ZNF347: variants seen among roughly 807,000 people sequenced by gnomAD.
The protein encoded by ZNF347 is zinc finger protein 347, also known as CTD-2620I22.7.
A neutral mutation model predicts 12.9 loss-of-function variants in ZNF347; 19 were observed. The ratio of observed to expected loss-of-function variants is 1.47; its 90% CI spans 1.03 to 2.16. The LOEUF is 2.16. Ranked by LOEUF, ZNF347 falls within the 30% of genes most tolerant of loss-of-function variation. The probability of loss-of-function intolerance (pLI) is 0.00; values close to 1 mark genes in which losing one functional copy is unlikely to be tolerated. For synonymous variants in ZNF347, 328 were observed against 340.6 expected (o/e 0.96, Z 0.41); for missense variants, 1,005 against 990.6 (o/e 1.01, Z -0.19).
At chr19:53,158,741 T>C (rs1435923405) in intron 1 of ZNF347, 1 of 151,484 alleles carries the variant, frequency 6.6e-6, no homozygotes, top group Non-Finnish European at 1.5e-5. Flanking sequence ...CTACTAAAAA[T>C]ACAAAATTAG....
chr19:53,152,958 G>A (rs1486123236), intron 2 of ZNF347, among the ~76,000 whole-genome samples: 2 of 151,956 alleles, frequency 1.3e-5, no homozygotes, highest in Non-Finnish European at 1.5e-5. Flanking sequence ...ATAATAATTG[G>A]CAAAACAAGA....
chr19:53,141,826 T>G lies in ZNF347; in HGVS notation c.1002A>C (p.Gln334His). Reference protein sequence around the residue: ...KVFSRNSQLSQHQKIHTGEKP... With the variant: ...KVFSRNSQLSHHQKIHTGEKP... The stretch of plus-strand genomic sequence containing the variant: ...TCTCTCCAGTGTGAATTTTCTGATG[T>G]TGTGAGAGTTGTGAATTTCGACTAA... Residue 334 changes from glutamine (Q) to histidine (H), a missense_variant, in exon 5 of 5, where the codon CAA (glutamine) becomes CAC (histidine). Transcript: ENST00000334197. 1.9e-6 allele frequency: 3 copies of G among 1,614,074 alleles called. No homozygotes were observed. The highest frequency in any genetic ancestry group is 2.5e-6 in the Non-Finnish European group (3 of 1,179,996).
At position 53,153,612 on chromosome 19, in the gene ZNF347, G is replaced by GT. The variant is rs2090512910; in HGVS notation, c.15+120dup. On this transcript the variant is annotated intron_variant, in intron 2 of 4. Coordinates refer to ENST00000334197, the MANE Select transcript of ZNF347 (RefSeq NM_032584.3). ...TGAGAGGGACTGAGGGAAGGCACGC[G>GT]TAAGTGCGAGCAAACCTGTCAGGCA... 12 of 1,455,338 alleles carry GT rather than the reference G, an allele frequency of 8.2e-6. No homozygotes were observed. In the Admixed American group the frequency reaches 1.5e-4, roughly 19 times the overall value. 90.2% of individuals were successfully genotyped at this position (1,455,338 alleles called of 1,614,324 possible).
chr19:53,145,183 C>T (rs7254587), intron 4 of ZNF347, among the ~76,000 whole-genome samples: 1,668 of 149,790 alleles, frequency 0.011, 27 homozygotes, highest in African/African-American at 0.036. Context: ...CCTAGCTACT[C>T]GGGAGGCTGA....
In ZNF347 at chr19:53,141,497, A is replaced by G. The variant is rs764971068; in HGVS notation, c.1331T>C (p.Leu444Pro). 6.2e-7 allele frequency: 1 copy of G among 1,614,080 alleles called. No homozygotes were observed. Among genetic ancestry groups the G allele is most frequent in the Non-Finnish European group, 8.5e-7 (1 of 1,180,028 alleles). ...GGTGTGAATTACCAGATGAATAGCT[A>G]GGCTTGAACGAACACCAAAGGCTTT... ...CGKAFGVRSS[L>P]AIHLVIHTGE... The change falls in exon 5 of 5, where the codon CTA becomes CCA. Residue 444 changes from leucine to proline, a missense_variant. Coordinates refer to ENST00000334197, the MANE Select transcript of ZNF347 (RefSeq NM_032584.3).
At chr19:53,152,008 G>A (rs1366624857) in intron 2 of ZNF347, among the ~76,000 whole-genome samples, 1 of 146,244 alleles carries the variant, frequency 6.8e-6, no homozygotes, top group African/African-American at 2.5e-5. Flanking sequence ...CAGGAGAATC[G>A]CTTGAACCCG....
At chr19:53,146,867 A>G (rs1421926595) in intron 4 of ZNF347, among the ~76,000 whole-genome samples, 3 of 152,132 alleles carry the variant, frequency 2.0e-5, no homozygotes, top group African/African-American at 7.2e-5. Flanking sequence ...GAAGCTGAAA[A>G]AAAAAAAATT....
rs66614865 is a variant in ZNF347, at chr19:53,135,299, A to AATAT, written c.*5005_*5008dup. The AATAT allele has an allele frequency of 8.3e-5, 6 of 72,670 alleles. No homozygotes were observed. Among genetic ancestry groups the AATAT allele is most frequent in the African/African-American group, 3.9e-4 (6 of 15,348 alleles). 4.5% of individuals were successfully genotyped at this position (72,670 alleles called of 1,614,324 possible). On this transcript the variant is annotated 3_prime_UTR_variant, in exon 5 of 5. Transcript: ENST00000334197. ...TCTTCATAGTTCTACCCATTTTCTA[A>AATAT]ATATATATATATATATATATATATA...
rs1054819976 is a variant in ZNF347 at position 53,141,663 on chromosome 19, C to T, written c.1165G>A (p.Ala389Thr). ...CCACTGTGGGTTGCCTGATGGATAGCTAAGCTTGAACGAGCTCTAAAGGCT... is the reference window on the plus strand; with the variant it reads ...CCACTGTGGGTTGCCTGATGGATAGTTAAGCTTGAACGAGCTCTAAAGGCT... ...GKAFRARSSL[A>T]IHQATHSGEK... Residue 389 changes from alanine (A) to threonine (T), a missense_variant, in exon 5 of 5, where the codon GCT (alanine) becomes ACT (threonine). Transcript: ENST00000334197. 4.3e-6 allele frequency: 7 copies of T among 1,613,214 alleles called. No individual in the cohort carries two copies. The highest frequency in any genetic ancestry group is 5.9e-6 in the Non-Finnish European group (7 of 1,179,854).
In ZNF347 at chr19:53,142,233, G is replaced by T. The variant is rs1283916752; in HGVS notation, c.595C>A (p.Gln199Lys). Residue 199 changes from glutamine (Q) to lysine (K), a missense_variant, in exon 5 of 5, where the codon CAA becomes AAA. Transcript: ENST00000334197. ...CATTCATAAATTTTCCCTTCATATTGAAAAAGCTGCAGTTCAGGCAGATGT... is the reference window on the plus strand; with the variant it reads ...CATTCATAAATTTTCCCTTCATATTTAAAAAGCTGCAGTTCAGGCAGATGT... Reference protein sequence around the residue: ...QSHLPELQLFQYEGKIYECNQ... With the variant: ...QSHLPELQLFKYEGKIYECNQ... 2 of 1,612,826 alleles carry T rather than the reference G, an allele frequency of 1.2e-6. No homozygotes were observed. Among genetic ancestry groups the T allele is most frequent in the Middle Eastern group, 3.3e-4 (2 of 6,054 alleles).
chr19:53,140,667 G>A lies in ZNF347; in HGVS notation c.2161C>T (p.Arg721Cys), dbSNP rs768706220. 120 of 1,612,698 alleles carry A rather than the reference G, an allele frequency of 7.4e-5. 1 individual carries two copies. The Middle Eastern group carries it at 1.2e-3, about 16-fold the overall frequency. The change falls in exon 5 of 5, where the codon CGT (arginine) becomes TGT (cysteine). Residue 721 changes from arginine (R) to cysteine (C), a missense_variant. By Grantham distance (180) the Arg-to-Cys change is radical. Coordinates refer to ENST00000334197, the MANE Select transcript of ZNF347 (RefSeq NM_032584.3). The part of the protein sequence containing the change: ...CNQCGKAFSV[R>C]SSLTTHQAIH... Reference sequence around the variant, plus strand: ...GCCTGATGGGTAGTTAGGCTTGAACGGACACTAAAGGCTTTCCCACACTGA... The same window carrying A: ...GCCTGATGGGTAGTTAGGCTTGAACAGACACTAAAGGCTTTCCCACACTGA...
At chr19:53,146,643 G>A (rs1184071256) in intron 4 of ZNF347, among the ~76,000 whole-genome samples, 1 of 151,996 alleles carries the variant, frequency 6.6e-6, no homozygotes, top group Non-Finnish European at 1.5e-5. Flanking sequence ...AATAAAAGGT[G>A]GGGGGAGGTA....
intron 2 of ZNF347, among the ~76,000 whole-genome samples, chr19:53,152,512 C>T (rs898002403): frequency 6.6e-6 from 1 of 151,938 alleles, no homozygotes; most frequent in African/African-American, 2.4e-5. Context: ...GAGGCTAAGG[C>T]GAAAGAATTG....
In ZNF347 at chr19:53,135,336, A is replaced by G. The variant is rs1408106557; in HGVS notation, c.*4972T>C. 9.8e-6 allele frequency: 1 copy of G among 101,834 alleles called. No homozygotes were observed. The highest frequency in any genetic ancestry group is 2.1e-5 in the Non-Finnish European group (1 of 48,638). 6.3% of individuals were successfully genotyped at this position (101,834 alleles called of 1,614,324 possible). On this transcript the variant is annotated 3_prime_UTR_variant, in exon 5 of 5. Transcript: ENST00000334197. ...TATATATATATATATATATATATATATATAGAGAGAGAGAGAGAGAGAGAG... is the reference window on the plus strand; with the variant it reads ...TATATATATATATATATATATATATGTATAGAGAGAGAGAGAGAGAGAGAG...
rs531072549 is a variant in ZNF347 at position 53,137,946 on chromosome 19, A to C, written c.*2362T>G. 1 of 151,710 alleles carries C rather than the reference A, an allele frequency of 6.6e-6. No individual in the cohort carries two copies. The highest frequency in any genetic ancestry group is 1.5e-5 in the Non-Finnish European group (1 of 67,914). 9.4% of individuals were successfully genotyped at this position (151,710 alleles called of 1,614,324 possible). ...CCCGAGTAGCTGGGATTACAGGCGCATGCCACCACATCCAACCAATATATA... is the reference window on the plus strand; with the variant it reads ...CCCGAGTAGCTGGGATTACAGGCGCCTGCCACCACATCCAACCAATATATA... On this transcript the variant is annotated 3_prime_UTR_variant, in exon 5 of 5. Transcript: ENST00000334197.
chr19:53,140,593 G>T lies in ZNF347; in HGVS notation c.2235C>A (p.Val745=), dbSNP rs758085370. The T allele has an allele frequency of 3.7e-6, 6 of 1,613,532 alleles. No individual in the cohort carries two copies. In the South Asian group the frequency reaches 6.6e-5, roughly 18 times the overall value. The change falls in exon 5 of 5, where the codon GTC becomes GTA. Residue 745 remains valine (V), a synonymous_variant. Transcript: ENST00000334197. The stretch of plus-strand genomic sequence containing the variant: ...TTGCAAGGTGTGAATTCTGAGTGAA[G>T]ACCTTCCCACACTCATTGCATTTGT... ...KPYKCNECGK[V]FTQNSHLARH...
intron 4 of ZNF347, among the ~76,000 whole-genome samples, chr19:53,147,089 AT>A (rs2090467766): frequency 6.6e-6 from 1 of 151,800 alleles, no homozygotes; most frequent in South Asian, 2.1e-4. Flanking sequence ...ATAAAAAAGG[AT>A]TTGGCCAGGC....
chr19:53,146,013 T>C (rs932837908), intron 4 of ZNF347, among the ~76,000 whole-genome samples: 3 of 151,990 alleles, frequency 2.0e-5, no homozygotes, highest in African/African-American at 7.2e-5. Flanking sequence ...TTTGCTCTTG[T>C]TGCCTGGGCT....
At chr19:53,153,825 A>C in intron 1 of ZNF347, 32 bp from the exon 2 acceptor site, 13 of 1,543,220 alleles carry the variant, frequency 8.4e-6, no homozygotes, top group Middle Eastern at 1.7e-4. Flanking sequence ...TTTAGAAGTC[A>C]ATATTGAATA....
Sources: allele counts gnomAD v4.1 joint callset (sites outside exome capture counted in the v4.1 genomes callset), GRCh38; gene constraint gnomAD v4.1.1; transcripts MANE v1.5; gene names NCBI Gene and HGNC (gene_info 2026-07-23, HGNC 2026-07-21).